Variants in SLC15A5 observed in about 807,000 individuals in gnomAD.
SLC15A5 encodes Peptide/histidine transporter ENSP00000340402.
Under a neutral mutation model 56.1 loss-of-function variants are expected in SLC15A5, and 58 were observed. That is an observed-to-expected ratio of 1.03 (90% CI 0.84 to 1.29). The LOEUF (loss-of-function observed/expected upper bound fraction) is 1.29. Ranked by LOEUF, SLC15A5 falls within the 50% of genes most tolerant of loss-of-function variation. The pLI, the probability that SLC15A5 is intolerant of heterozygous loss-of-function variation, is 0.00. For synonymous variants in SLC15A5, 264 were observed against 250.5 expected (o/e 1.05, Z -0.51); for missense variants, 681 against 672.1 (o/e 1.01, Z -0.15).
chr12:16,189,478 C>G lies in SLC15A5; in HGVS notation c.*190G>C. The G allele has an allele frequency of 2.4e-6, 1 of 410,274 alleles. No homozygotes were observed. The highest frequency in any genetic ancestry group is 4.1e-6 in the Non-Finnish European group (1 of 242,986). 25.4% of individuals were successfully genotyped at this position (410,274 alleles called of 1,614,324 possible). A position where few individuals can be genotyped will look rare whatever the true frequency, so the allele number is the denominator to read the frequency against. ...TATTTTATTAATTCTAATGCTATAA[C>G]ATGTTAATGCAAAAGCATGACAGTT... On this transcript the variant is annotated 3_prime_UTR_variant, in exon 9 of 9. Coordinates refer to ENST00000344941, the MANE Select transcript of SLC15A5 (RefSeq NM_001170798.1).
In SLC15A5 at chr12:16,239,570, A is replaced by C. The variant is rs779633497; in HGVS notation, c.1162+111T>G. The C allele has an allele frequency of 1.5e-5, 16 of 1,077,048 alleles. 1 individual carries two copies. In the South Asian group the frequency reaches 2.8e-4, roughly 19 times the overall value. The allele number at this position is 1,077,048 out of a possible 1,614,324, so 66.7% of individuals were successfully genotyped here. A position where few individuals can be genotyped will look rare whatever the true frequency, so the allele number is the denominator to read the frequency against. ...AGTCACAAATTCACCTGTTTTCCAT[A>C]TTATCAAAATCTGACACTACTCAGG... On this transcript the variant is annotated intron_variant, in intron 5 of 8. Transcript: ENST00000344941.
intron 7 of SLC15A5, among the ~76,000 whole-genome samples, chr12:16,198,999 C>T (rs1863922833): frequency 6.6e-6 from 1 of 152,148 alleles, no homozygotes; most frequent in Middle Eastern, 3.4e-3. Flanking sequence ...GAAGAGCTCC[C>T]CACCTGGCTA....
chr12:16,266,140 A>G (rs1204466732), intron 2 of SLC15A5, among the ~76,000 whole-genome samples: 1 of 152,240 alleles, frequency 6.6e-6, no homozygotes, highest in Non-Finnish European at 1.5e-5. Context: ...ACAAAAAGTT[A>G]TAATTTTCTA....
In SLC15A5 at chr12:16,246,586, A is replaced by C. The variant is rs75380229; in HGVS notation, c.755-1786T>G. 8.1e-3 allele frequency among the ~76,000 whole-genome samples: 1,226 copies of C among 152,246 alleles called. 7 individuals carry two copies. The highest frequency in any genetic ancestry group is 0.014 in the Non-Finnish European group (927 of 68,016). ...TAGGGTTATTATGAACACTGATCCA[A>C]ATTAACTTTATGCTTTCAGATAGGT... On this transcript the variant is annotated intron_variant, in intron 3 of 8. Coordinates refer to ENST00000344941, the MANE Select transcript of SLC15A5 (RefSeq NM_001170798.1).
At chr12:16,210,931 AG>A (rs1864073886) in intron 7 of SLC15A5, among the ~76,000 whole-genome samples, 2 of 152,168 alleles carry the variant, frequency 1.3e-5, no homozygotes. Flanking sequence ...CCATTGTATG[AG>A]GGGGGCTTTG....
At chr12:16,273,811 T>A (rs912617215) in intron 1 of SLC15A5, among the ~76,000 whole-genome samples, 26 of 150,734 alleles carry the variant, frequency 1.7e-4, no homozygotes, top group African/African-American at 6.3e-4. Context: ...TCAGAAAATT[T>A]GAAAAATAGA....
At chr12:16,248,975 T>C (rs1864491546) in intron 3 of SLC15A5, among the ~76,000 whole-genome samples, 1 of 152,142 alleles carries the variant, frequency 6.6e-6, no homozygotes, top group Non-Finnish European at 1.5e-5. Flanking sequence ...TAGTTATTAC[T>C]ATTTTTTAAA....
chr12:16,234,548 T>A (rs975121319), intron 5 of SLC15A5, among the ~76,000 whole-genome samples: 1 of 152,168 alleles, frequency 6.6e-6, no homozygotes, highest in Non-Finnish European at 1.5e-5. Flanking sequence ...GAGTGCAGTT[T>A]ATCAGAATGT....
chr12:16,205,295 T>C (rs1864003366), intron 7 of SLC15A5, among the ~76,000 whole-genome samples: 1 of 151,814 alleles, frequency 6.6e-6, no homozygotes. Context: ...AGGCAAGTAT[T>C]ATCATTTCAC....
At chr12:16,245,877 T>C (rs1864456122) in intron 3 of SLC15A5, among the ~76,000 whole-genome samples, 2 of 152,232 alleles carry the variant, frequency 1.3e-5, no homozygotes, top group Admixed American at 1.3e-4. Flanking sequence ...GTCTTGGTTT[T>C]TATGTTTAAA....
chr12:16,257,992 T>C (rs1159328484), intron 2 of SLC15A5, 122 bp from the exon 3 acceptor site: 1 of 868,782 alleles, frequency 1.2e-6, no homozygotes, highest in African/African-American at 1.8e-5. Context: ...CTGAACCCAA[T>C]TTTGCAAATG....
At chr12:16,210,313 G>T (rs1325152628) in intron 7 of SLC15A5, among the ~76,000 whole-genome samples, 3 of 151,366 alleles carry the variant, frequency 2.0e-5, no homozygotes, top group Non-Finnish European at 4.4e-5. Flanking sequence ...AATTACATGG[G>T]TCCGTGAGGC....
At chr12:16,221,001 A>G (rs780392460) in intron 6 of SLC15A5, among the ~76,000 whole-genome samples, 9 of 152,088 alleles carry the variant, frequency 5.9e-5, no homozygotes, top group Admixed American at 1.3e-4. Flanking sequence ...CTCATCTCCA[A>G]TGTATAACAT....
At chr12:16,250,808 C>T (rs1188717191) in intron 3 of SLC15A5, among the ~76,000 whole-genome samples, 1 of 151,668 alleles carries the variant, frequency 6.6e-6, no homozygotes, top group Non-Finnish European at 1.5e-5. Context: ...TCTTTTATAA[C>T]CTGAAAGTGA....
At chr12:16,206,631 A>ACAGAATAAATTTTC (rs1864022326) in intron 7 of SLC15A5, among the ~76,000 whole-genome samples, 1 of 152,186 alleles carries the variant, frequency 6.6e-6, no homozygotes, top group South Asian at 2.1e-4. Flanking sequence ...TGGAAAGGGG[A>ACAGAATAAATTTTC]CAGAATAAAT....
intron 6 of SLC15A5, among the ~76,000 whole-genome samples, chr12:16,220,173 T>C (rs1864171650): frequency 1.3e-5 from 2 of 152,232 alleles, no homozygotes; most frequent in Non-Finnish European, 1.5e-5. Context: ...TTGCCATTTT[T>C]AGACCATTAT....
rs1234383671 is a variant in SLC15A5, at chr12:16,269,241, G to C, written c.584+3320C>G. 1.3e-5 allele frequency among the ~76,000 whole-genome samples: 2 copies of C among 152,258 alleles called. No individual in the cohort carries two copies. Among genetic ancestry groups the C allele is most frequent in the Middle Eastern group, 3.4e-3 (1 of 294 alleles). The stretch of plus-strand genomic sequence containing the variant: ...CCCACCTGTCCTCCCAGAAAATTCT[G>C]ATCCAGGAGGTTCGAGGTGGGACCT... On this transcript the variant is annotated intron_variant, in intron 2 of 8. Coordinates refer to ENST00000344941, the MANE Select transcript of SLC15A5 (RefSeq NM_001170798.1). The surrounding 1 kb of genome is among the most constrained non-coding windows in gnomAD (Gnocchi z 4.7).
At chr12:16,253,136 A>T (rs181896868) in intron 3 of SLC15A5, among the ~76,000 whole-genome samples, 57 of 152,260 alleles carry the variant, frequency 3.7e-4, no homozygotes, top group Non-Finnish European at 7.6e-4. Flanking sequence ...TACAAAAATT[A>T]ACTCAAAATA....
intron 6 of SLC15A5, 119 bp from the exon 7 acceptor site, chr12:16,217,143 G>A (rs1864138162): frequency 1.8e-6 from 2 of 1,139,904 alleles, no homozygotes; most frequent in Non-Finnish European, 2.4e-6. Context: ...TAAAAATTTG[G>A]GTTGGACTTT....
Sources: allele counts gnomAD v4.1 joint callset (sites outside exome capture counted in the v4.1 genomes callset), GRCh38; gene constraint gnomAD v4.1.1; non-coding constraint Gnocchi (gnomAD v3.1); transcripts MANE v1.5; gene names NCBI Gene and HGNC (gene_info 2026-07-23, HGNC 2026-07-21).